The following CDC42SE2 variants were observed in gnomAD, a reference collection of about 807,000 sequenced individuals.
CDC42SE2 encodes the protein CDC42 small effector 2.
Under a neutral mutation model 11.5 loss-of-function variants are expected in CDC42SE2, and 3 were observed. The ratio of observed to expected loss-of-function variants is 0.26; its 90% CI spans 0.12 to 0.67. CDC42SE2 has a LOEUF of 0.67. CDC42SE2 is among the 30% of genes least tolerant of loss of function. The pLI is 0.80. For missense variants in CDC42SE2, 82 were observed against 106.8 expected (o/e 0.77, Z 1.02); for synonymous variants, 33 against 34.8 (o/e 0.95, Z 0.18).
At chr5:131,376,668 G>A (rs1750164945) in intron 3 of CDC42SE2, among the ~76,000 whole-genome samples, 1 of 152,052 alleles carries the variant, frequency 6.6e-6, no homozygotes, top group Non-Finnish European at 1.5e-5. Flanking sequence ...ACTCTCAGAT[G>A]GGTCCTGGTA....
chr5:131,285,743 A>G (rs745331400), intron 1 of CDC42SE2, among the ~76,000 whole-genome samples: 19 of 152,220 alleles, frequency 1.2e-4, no homozygotes, highest in Admixed American at 4.6e-4. Flanking sequence ...CTAGATTAAT[A>G]TATTCAAGAA....
At chr5:131,293,586 A>G (rs1757508626) in intron 1 of CDC42SE2, among the ~76,000 whole-genome samples, 2 of 150,710 alleles carry the variant, frequency 1.3e-5, no homozygotes, top group Admixed American at 6.6e-5. Flanking sequence ...AAAAAAAAAA[A>G]AAAAAGTGGG....
intron 3 of CDC42SE2, among the ~76,000 whole-genome samples, chr5:131,361,448 A>G (rs144466166): frequency 2.0e-5 from 3 of 152,246 alleles, no homozygotes; most frequent in African/African-American, 4.8e-5. Context: ...CTGCTGCTCA[A>G]ACCTCTAGGG....
At chr5:131,312,614 C>T (rs968191201) in intron 1 of CDC42SE2, among the ~76,000 whole-genome samples, 5 of 152,182 alleles carry the variant, frequency 3.3e-5, no homozygotes, top group Non-Finnish European at 5.9e-5. Context: ...TAGGACCCTC[C>T]GAGCCAGGCG....
intron 1 of CDC42SE2, among the ~76,000 whole-genome samples, chr5:131,313,631 T>C (rs904496697): frequency 5.3e-5 from 8 of 152,184 alleles, no homozygotes; most frequent in Admixed American, 2.6e-4. Flanking sequence ...TGACTACATG[T>C]GTGTAGTTGT....
the CDC42SE2 span, among the ~76,000 whole-genome samples, chr5:131,228,090 C>A: frequency 6.6e-6 from 1 of 152,106 alleles, no homozygotes; most frequent in Non-Finnish European, 1.5e-5. Flanking sequence ...ACCTGTAATC[C>A]CAGCTACTTG....
chr5:131,237,785 C>T, the CDC42SE2 span, among the ~76,000 whole-genome samples: 2 of 152,116 alleles, frequency 1.3e-5, no homozygotes, highest in African/African-American at 2.4e-5. Context: ...CACAGAGTCT[C>T]GCTATATTGC....
chr5:131,362,461 A>G (rs1000301717), intron 3 of CDC42SE2, among the ~76,000 whole-genome samples: 1 of 152,216 alleles, frequency 6.6e-6, no homozygotes, highest in African/African-American at 2.4e-5. Context: ...TTGGTATTCT[A>G]AACAATATCA....
At chr5:131,312,448 T>C (rs1299466390) in intron 1 of CDC42SE2, among the ~76,000 whole-genome samples, 1 of 152,190 alleles carries the variant, frequency 6.6e-6, no homozygotes, top group Non-Finnish European at 1.5e-5. Context: ...CAGGCCTCCT[T>C]GAGCTGTGGT....
chr5:131,256,770 A>G (rs1756682610), intron 2 of CDC42SE2, among the ~76,000 whole-genome samples: 1 of 152,214 alleles, frequency 6.6e-6, no homozygotes, highest in South Asian at 2.1e-4. Context: ...AGCAACAAGC[A>G]TCACGTTCTT....
upstream of CDC42SE2, among the ~76,000 whole-genome samples, chr5:131,244,340 G>A (rs780444589): frequency 6.6e-6 from 1 of 152,208 alleles, no homozygotes; most frequent in African/African-American, 2.4e-5. Flanking sequence ...AATATGGTTA[G>A]CAAACTTGAC....
chr5:131,263,941 C>T (rs919869691), upstream of CDC42SE2: 3 of 151,538 alleles, frequency 2.0e-5, no homozygotes, highest in African/African-American at 7.2e-5. Flanking sequence ...GGGGCCAGCA[C>T]TGCGGTCGCT....
At position 131,328,507 on chromosome 5, in the gene CDC42SE2, A is replaced by C. The variant is rs1342110043; in HGVS notation, c.-286+12363A>C. On this transcript the variant is annotated intron_variant, in intron 2 of 4. Coordinates refer to ENST00000505065, the MANE Select transcript of CDC42SE2 (RefSeq NM_001375635.1). The stretch of plus-strand genomic sequence containing the variant: ...TTTCATTTCCCTCCCTCTTTCTGGA[A>C]CTCTGTTACCTGGATATTGTCTGTT... 3.3e-5 allele frequency among the ~76,000 whole-genome samples: 5 copies of C among 151,536 alleles called. No homozygotes were observed. The East Asian group carries it at 9.7e-4, about 29-fold the overall frequency.
At chr5:131,259,273 C>T (rs1756704159), upstream of CDC42SE2, among the ~76,000 whole-genome samples, 2 of 152,044 alleles carry the variant, frequency 1.3e-5, no homozygotes, top group Non-Finnish European at 2.9e-5. Flanking sequence ...ACCATGTATA[C>T]ATAATATACA....
chr5:131,294,845 A>T (rs1757533707), intron 1 of CDC42SE2, among the ~76,000 whole-genome samples: 1 of 151,966 alleles, frequency 6.6e-6, no homozygotes, highest in Non-Finnish European at 1.5e-5. Flanking sequence ...TAGAAAAATT[A>T]GGCTGGGTGC....
chr5:131,304,420 T>G (rs1757741844), intron 1 of CDC42SE2, among the ~76,000 whole-genome samples: 1 of 152,206 alleles, frequency 6.6e-6, no homozygotes, highest in African/African-American at 2.4e-5. Flanking sequence ...TACCAGTGCT[T>G]AGCAGTTAGA....
intron 2 of CDC42SE2, among the ~76,000 whole-genome samples, chr5:131,335,914 CTT>C (rs1228210738): frequency 5.3e-5 from 8 of 152,178 alleles, no homozygotes; most frequent in Admixed American, 2.0e-4. Flanking sequence ...GGTCTTGACT[CTT>C]TATCCAATTT....
the CDC42SE2 span, among the ~76,000 whole-genome samples, chr5:131,231,215 A>G: frequency 6.6e-6 from 1 of 152,146 alleles, no homozygotes; most frequent in South Asian, 2.1e-4. Flanking sequence ...ATCTCCTATA[A>G]AACACTAAAC....
intron 1 of CDC42SE2, among the ~76,000 whole-genome samples, chr5:131,290,961 TAAAAAA>T (rs1757446439): frequency 6.6e-6 from 1 of 152,090 alleles, no homozygotes; most frequent in Non-Finnish European, 1.5e-5. Context: ...GAGTTCAAGA[TAAAAAA>T]GGAAAACCTT....
Sources: gnomAD v4.1 joint callset for allele counts (sites outside exome capture counted in the v4.1 genomes callset) on GRCh38, gnomAD v4.1.1 for gene constraint, MANE v1.5 for transcripts, NCBI Gene and HGNC (gene_info 2026-07-23, HGNC 2026-07-21) for gene names.